The following HACE1 variants were observed in gnomAD, a reference collection of about 807,000 sequenced individuals.
HACE1 encodes E3 ubiquitin-protein ligase HACE1.
In HACE1, 73 loss-of-function variants were observed where a neutral mutation model predicts 118.4. That is an observed-to-expected ratio of 0.62 (90% CI 0.51 to 0.75). The LOEUF (loss-of-function observed/expected upper bound fraction) is 0.75. Ranked by LOEUF, HACE1 falls within the 30% of genes least tolerant of loss-of-function variation. The probability of loss-of-function intolerance (pLI) is 0.00; values close to 1 mark genes in which losing one functional copy is unlikely to be tolerated. For synonymous variants in HACE1, 368 were observed against 374.8 expected, an observed-to-expected ratio of 0.98 and a Z score of 0.21; for missense variants, 749 against 1,102.2, an observed-to-expected ratio of 0.68 and a Z score of 4.54.
At chr6:104,772,569 A>G (rs1780756504) in intron 17 of HACE1, among the ~76,000 whole-genome samples, 1 of 152,222 alleles carries the variant, frequency 6.6e-6, no homozygotes, top group Non-Finnish European at 1.5e-5. Flanking sequence ...AAAACTGTAA[A>G]TGTACAACTG....
chr6:104,754,314 A>C (rs190955554), intron 19 of HACE1, among the ~76,000 whole-genome samples: 52 of 152,338 alleles, frequency 3.4e-4, no homozygotes, highest in Admixed American at 2.9e-3. Context: ...AATGGAACCA[A>C]GTTGGAAAAC....
intron 6 of HACE1, 139 bp from the exon 7 acceptor site, chr6:104,811,532 T>C (rs1307062953): frequency 5.1e-6 from 3 of 583,568 alleles, no homozygotes; most frequent in Non-Finnish European, 9.9e-6. Context: ...ACGTGACAAT[T>C]ACTATGGCTG....
chr6:104,775,417 T>C (rs1781130210), intron 17 of HACE1, among the ~76,000 whole-genome samples: 2 of 151,996 alleles, frequency 1.3e-5, no homozygotes, highest in African/African-American at 4.8e-5. Context: ...TTTATGGGTC[T>C]ATGTACTTCA....
intron 22 of HACE1, among the ~76,000 whole-genome samples, chr6:104,742,660 C>G (rs1399419002): frequency 1.3e-5 from 2 of 151,154 alleles, no homozygotes; most frequent in Non-Finnish European, 2.9e-5. Flanking sequence ...AGTCAGGAAA[C>G]AACAGGTGCT....
At chr6:104,795,080 A>C (rs1186027862) in intron 10 of HACE1, among the ~76,000 whole-genome samples, 1 of 152,164 alleles carries the variant, frequency 6.6e-6, no homozygotes, top group Non-Finnish European at 1.5e-5. Context: ...TATAAATTCA[A>C]GTAATATAAG....
chr6:104,741,368 T>C (rs1582608726), intron 22 of HACE1, among the ~76,000 whole-genome samples: 3 of 150,940 alleles, frequency 2.0e-5, no homozygotes, highest in Admixed American at 6.6e-5. Context: ...GGAAGTCAAA[T>C]TGTCCCTGTT....
At chr6:104,766,884 T>G (rs990701047) in intron 19 of HACE1, 2 of 152,208 alleles carry the variant, frequency 1.3e-5, no homozygotes, top group African/African-American at 4.8e-5. Flanking sequence ...GGATGGCCCC[T>G]GCACAAGCAG....
intron 7 of HACE1, among the ~76,000 whole-genome samples, chr6:104,803,360 T>G (rs921300852): frequency 2.6e-5 from 4 of 152,128 alleles, no homozygotes; most frequent in Non-Finnish European, 4.4e-5. Context: ...CCTAACTCAT[T>G]TTATGAGGAC....
intron 16 of HACE1, 57 bp downstream of exon 16, chr6:104,776,956 G>A: frequency 1.5e-6 from 2 of 1,302,768 alleles, no homozygotes; most frequent in Non-Finnish European, 2.2e-6. Flanking sequence ...TATTCAAAAG[G>A]CATTTCAATC....
intron 1 of HACE1, among the ~76,000 whole-genome samples, chr6:104,856,495 C>G (rs548834428): frequency 6.6e-6 from 1 of 151,644 alleles, no homozygotes; most frequent in East Asian, 1.9e-4. Flanking sequence ...AATGCAGTGG[C>G]GCGATCTTGG....
At chr6:104,853,838 A>T (rs1359837587) in intron 1 of HACE1, among the ~76,000 whole-genome samples, 1 of 152,212 alleles carries the variant, frequency 6.6e-6, no homozygotes, top group Non-Finnish European at 1.5e-5. Context: ...CAAGACCCCG[A>T]GTCAATGCCT....
At position 104,742,064 on chromosome 6, in the gene HACE1, G is replaced by T. The variant is rs931393161; in HGVS notation, c.2513+2096C>A. ...TGAGAAAAACAAGCAATGGGGAAAGGATTCCCTATTTAATAAATGGTGCTG... is the reference window on the plus strand; with the variant it reads ...TGAGAAAAACAAGCAATGGGGAAAGTATTCCCTATTTAATAAATGGTGCTG... On this transcript the variant is annotated intron_variant, in intron 22 of 23. Transcript: ENST00000262903. 3.9e-4 allele frequency among the ~76,000 whole-genome samples: 55 copies of T among 141,650 alleles called. 1 individual carries two copies. The highest frequency in any genetic ancestry group is 1.5e-3 in the African/African-American group (54 of 36,810). 92.9% of individuals were successfully genotyped at this position (141,650 alleles called of 152,430 possible).
At chr6:104,859,359 T>G (rs1444751204) in intron 1 of HACE1, 7 of 519,108 alleles carry the variant, frequency 1.3e-5, no homozygotes, top group Non-Finnish European at 1.0e-5. Context: ...CCAACCCAGT[T>G]TCCTCCCGAA....
chr6:104,844,391 T>G (rs1041499518), intron 4 of HACE1, among the ~76,000 whole-genome samples: 1 of 149,150 alleles, frequency 6.7e-6, no homozygotes, highest in African/African-American at 2.5e-5. Flanking sequence ...TTGCCCAGGC[T>G]GGAGTGCAGT....
intron 20 of HACE1, among the ~76,000 whole-genome samples, chr6:104,745,789 T>G (rs1303095547): frequency 6.6e-6 from 1 of 151,960 alleles, no homozygotes; most frequent in African/African-American, 2.4e-5. Flanking sequence ...CAAAATCATG[T>G]CTCCTATAGT....
chr6:104,852,195 C>CGG, intron 2 of HACE1, 122 bp downstream of exon 2: 1 of 552,984 alleles, frequency 1.8e-6, no homozygotes. Flanking sequence ...TATGTCCAAA[C>CGG]TGTCTGTGTG....
intron 19 of HACE1, among the ~76,000 whole-genome samples, chr6:104,756,867 C>T (rs1159102440): frequency 1.3e-5 from 2 of 152,210 alleles, no homozygotes; most frequent in East Asian, 1.9e-4. Flanking sequence ...CCACAGTCTT[C>T]GCAACTGGCA....
rs141696686 is a variant in HACE1, at chr6:104,771,931, T to C, written c.2008A>G (p.Ile670Val). The C allele has an allele frequency of 6.3e-7, 1 of 1,596,540 alleles. No individual in the cohort carries two copies. Among genetic ancestry groups the C allele is most frequent in the African/African-American group, 1.3e-5 (1 of 74,622 alleles). ...AATAATAATAGAGCCATACCAAGAATGTGCTTGTAGAAGGATCGTGTGAAG... is the reference window on the plus strand; with the variant it reads ...AATAATAATAGAGCCATACCAAGAACGTGCTTGTAGAAGGATCGTGTGAAG... ...IYFTRSFYKHILGIPVNYQDV... is the reference protein window; with the variant it reads ...IYFTRSFYKHVLGIPVNYQDV... Residue 670 changes from isoleucine to valine, a missense_variant, in exon 18 of 24, where the codon ATT (isoleucine) becomes GTT (valine). Physicochemically the swap from Ile to Val is conservative, Grantham distance 29 (BLOSUM62 3). Coordinates refer to ENST00000262903, the MANE Select transcript of HACE1 (RefSeq NM_020771.4).
At chr6:104,851,568 A>G (rs1265859563) in intron 2 of HACE1, among the ~76,000 whole-genome samples, 1 of 152,172 alleles carries the variant, frequency 6.6e-6, no homozygotes, top group Non-Finnish European at 1.5e-5. Flanking sequence ...GACACACAAC[A>G]GACTAAGCTG....
Sources: gnomAD v4.1 joint callset for allele counts (sites outside exome capture counted in the v4.1 genomes callset) on GRCh38, gnomAD v4.1.1 for gene constraint, MANE v1.5 for transcripts, NCBI Gene and HGNC (gene_info 2026-07-23, HGNC 2026-07-21) for gene names.